CCDC178: variants seen among roughly 807,000 people sequenced by gnomAD.
The protein encoded by CCDC178 is coiled-coil domain-containing protein 178.
Under a neutral mutation model 117.4 loss-of-function variants are expected in CCDC178, and 126 were observed. The ratio of observed to expected loss-of-function variants is 1.07; its 90% CI spans 0.93 to 1.24. The LOEUF is 1.24. CCDC178 is among the 50% of genes most tolerant of loss of function. CCDC178 has a pLI of 0.00. For missense variants in CCDC178, 1,030 were observed against 986.9 expected, an observed-to-expected ratio of 1.04 and a Z score of -0.59; for synonymous variants, 283 against 313.4, an observed-to-expected ratio of 0.90 and a Z score of 1.02.
chr18:33,340,535 A>C (rs780839129), intron 9 of CCDC178, among the ~76,000 whole-genome samples: 17 of 152,130 alleles, frequency 1.1e-4, no homozygotes, highest in Admixed American at 3.3e-4. Context: ...TTCATGGCAG[A>C]CCCTCCCATC....
intron 9 of CCDC178, among the ~76,000 whole-genome samples, chr18:33,336,538 A>G (rs1399344295): frequency 6.6e-6 from 1 of 152,146 alleles, no homozygotes; most frequent in Non-Finnish European, 1.5e-5. Flanking sequence ...AATTGAAATT[A>G]TAACTTTGAT....
chr18:33,089,258 C>T (rs456336), intron 21 of CCDC178, among the ~76,000 whole-genome samples: 21,654 of 151,742 alleles, frequency 0.14, 2,397 homozygotes, highest in African/African-American at 0.31. Flanking sequence ...TTAATTAATG[C>T]TATAGTAAAG....
At chr18:33,102,197 A>C (rs138706354) in intron 20 of CCDC178, among the ~76,000 whole-genome samples, 2 of 151,846 alleles carry the variant, frequency 1.3e-5, no homozygotes, top group African/African-American at 2.4e-5. Flanking sequence ...GGGCAACGGA[A>C]GTCAATTTCT....
intron 14 of CCDC178, among the ~76,000 whole-genome samples, chr18:33,249,638 G>C (rs1357028596): frequency 2.6e-5 from 4 of 151,922 alleles, no homozygotes; most frequent in Non-Finnish European, 4.4e-5. Context: ...TCTCTGTTTT[G>C]GTACCAGTAC....
chr18:33,303,140 T>C (rs1032166513), intron 11 of CCDC178, among the ~76,000 whole-genome samples: 4 of 152,176 alleles, frequency 2.6e-5, no homozygotes, highest in Non-Finnish European at 4.4e-5. Flanking sequence ...ACATATTCTA[T>C]ATGTCAATCT....
At chr18:32,964,458 G>A (rs914608535) in intron 22 of CCDC178, among the ~76,000 whole-genome samples, 2 of 151,864 alleles carry the variant, frequency 1.3e-5, no homozygotes, top group African/African-American at 4.8e-5. Context: ...AGTTCCTGAA[G>A]GGAAAATGAC....
chr18:33,314,899 C>A (rs1420395606), intron 11 of CCDC178, among the ~76,000 whole-genome samples: 1 of 152,162 alleles, frequency 6.6e-6, no homozygotes, highest in East Asian at 1.9e-4. Flanking sequence ...GCTGTCAGAT[C>A]TAAGATTCCT....
At chr18:33,250,247 G>A (rs1875884203) in intron 14 of CCDC178, among the ~76,000 whole-genome samples, 1 of 151,788 alleles carries the variant, frequency 6.6e-6, no homozygotes, top group Admixed American at 6.6e-5. Context: ...AATAGGACAA[G>A]TGTAAAGATG....
intron 21 of CCDC178, among the ~76,000 whole-genome samples, chr18:33,007,961 A>T (rs1014845502): frequency 2.0e-5 from 3 of 152,148 alleles, no homozygotes; most frequent in African/African-American, 7.2e-5. Context: ...TTCTTTTCTC[A>T]TTGATCTTCT....
At chr18:33,129,490 A>G (rs946285958) in intron 20 of CCDC178, among the ~76,000 whole-genome samples, 2 of 152,076 alleles carry the variant, frequency 1.3e-5, no homozygotes, top group Non-Finnish European at 2.9e-5. Flanking sequence ...TGGAACCCTG[A>G]TAAGATCACA....
chr18:33,166,829 A>G (rs1294625422), intron 20 of CCDC178, among the ~76,000 whole-genome samples: 1 of 152,138 alleles, frequency 6.6e-6, no homozygotes, highest in African/African-American at 2.4e-5. Context: ...TTTGTTATAT[A>G]GGTAAATTAC....
At chr18:33,326,947 C>T (rs2062592925) in intron 10 of CCDC178, among the ~76,000 whole-genome samples, 1 of 152,004 alleles carries the variant, frequency 6.6e-6, no homozygotes, top group Non-Finnish European at 1.5e-5. Flanking sequence ...TTTACTAAAG[C>T]CCAAGCACAC....
intron 20 of CCDC178, among the ~76,000 whole-genome samples, chr18:33,195,196 TAAAGA>T (rs1324837633): frequency 3.3e-5 from 5 of 151,830 alleles, no homozygotes; most frequent in African/African-American, 1.2e-4. Flanking sequence ...CTATCTATAC[TAAAGA>T]AAAGTTTAGT....
At chr18:33,357,794 C>G (rs532320013) in intron 6 of CCDC178, among the ~76,000 whole-genome samples, 1 of 150,248 alleles carries the variant, frequency 6.7e-6, no homozygotes, top group African/African-American at 2.5e-5. Context: ...CTACCAAAAT[C>G]TGAACAAAAA....
intron 20 of CCDC178, among the ~76,000 whole-genome samples, chr18:33,178,010 A>C (rs1370341037): frequency 6.6e-6 from 1 of 152,018 alleles, no homozygotes; most frequent in East Asian, 1.9e-4. Flanking sequence ...CACTTCTCTC[A>C]GTGGACTTTT....
At chr18:33,336,687 A>G (rs1404751236) in intron 9 of CCDC178, among the ~76,000 whole-genome samples, 4 of 152,132 alleles carry the variant, frequency 2.6e-5, no homozygotes, top group Non-Finnish European at 5.9e-5. Context: ...ATATTTATAG[A>G]TAGCCTACCC....
intron 9 of CCDC178, among the ~76,000 whole-genome samples, chr18:33,344,269 A>G (rs1397259585): frequency 7.0e-6 from 1 of 142,708 alleles, no homozygotes; most frequent in Non-Finnish European, 1.5e-5. Context: ...GCGCCACTGC[A>G]GTCCGCAGTC....
chr18:33,138,812 T>C (rs2058160396), intron 20 of CCDC178, among the ~76,000 whole-genome samples: 1 of 152,134 alleles, frequency 6.6e-6, no homozygotes, highest in Non-Finnish European at 1.5e-5. Flanking sequence ...AATCATGGCA[T>C]GATATCAGTT....
At chr18:33,252,498 C>A (rs750179304) in intron 14 of CCDC178, among the ~76,000 whole-genome samples, 14 of 151,508 alleles carry the variant, frequency 9.2e-5, no homozygotes, top group Non-Finnish European at 2.1e-4. Context: ...AAAGTAAAAT[C>A]ATTTAAAACA....
Sources: allele counts gnomAD v4.1 joint callset (sites outside exome capture counted in the v4.1 genomes callset), GRCh38; gene constraint gnomAD v4.1.1; transcripts MANE v1.5; gene names NCBI Gene and HGNC (gene_info 2026-07-23, HGNC 2026-07-21).